The following THEMIS variants were observed in gnomAD, a reference collection of about 807,000 sequenced individuals.
THEMIS encodes thymocyte selection associated, also known as protein THEMIS.
A neutral mutation model predicts 52.6 loss-of-function variants in THEMIS; 37 were observed. The ratio of observed to expected loss-of-function variants is 0.70; its 90% CI spans 0.54 to 0.93. The LOEUF is 0.93. Ranked by LOEUF, THEMIS falls within the 40% of genes least tolerant of loss-of-function variation. The pLI, the probability that THEMIS is intolerant of heterozygous loss-of-function variation, is 0.00. For synonymous variants in THEMIS, 292 were observed against 272.7 expected (o/e 1.07, Z -0.70); for missense variants, 808 against 763.1 (o/e 1.06, Z -0.69).
At chr6:127,736,655 T>C (rs891764173) in intron 4 of THEMIS, among the ~76,000 whole-genome samples, 4 of 152,246 alleles carry the variant, frequency 2.6e-5, no homozygotes, top group South Asian at 4.1e-4. Flanking sequence ...GCAAATCAAA[T>C]TGGAGTCTAG....
chr6:127,858,880 G>T (rs925516080), intron 1 of THEMIS, among the ~76,000 whole-genome samples: 29 of 152,016 alleles, frequency 1.9e-4, no homozygotes, highest in African/African-American at 6.5e-4. Flanking sequence ...ATCAAACATT[G>T]CCCCTGAAGG....
At chr6:127,745,506 C>T (rs1196766744) in intron 4 of THEMIS, among the ~76,000 whole-genome samples, 1 of 151,788 alleles carries the variant, frequency 6.6e-6, no homozygotes, top group Non-Finnish European at 1.5e-5. Flanking sequence ...TGTACCTGTA[C>T]TACGATATCA....
intron 1 of THEMIS, among the ~76,000 whole-genome samples, chr6:127,889,010 A>G (rs1464486643): frequency 3.9e-5 from 6 of 152,118 alleles, no homozygotes; most frequent in Admixed American, 2.6e-4. Flanking sequence ...TAAGATAACA[A>G]CTTCAAAATC....
intron 3 of THEMIS, among the ~76,000 whole-genome samples, chr6:127,820,167 C>A (rs919557624): frequency 1.3e-5 from 2 of 151,440 alleles, no homozygotes; most frequent in African/African-American, 2.4e-5. Flanking sequence ...AATTGATATG[C>A]TAAGAGAAAA....
intron 2 of THEMIS, among the ~76,000 whole-genome samples, chr6:127,843,363 T>C (rs925481158): frequency 3.3e-5 from 5 of 151,956 alleles, no homozygotes; most frequent in African/African-American, 1.2e-4. Context: ...TTTCCAATAC[T>C]GTACCATTAA....
rs188246319 is a variant in THEMIS at position 127,895,200 on chromosome 6, C to T, written c.91+5642G>A. ...TCCTTAGTTGAGTAAAGGTTAAACA[C>T]CAAAATTTAGTACATAATATATTAA... On this transcript the variant is annotated intron_variant, in intron 1 of 5. Coordinates refer to ENST00000368248, the MANE Select transcript of THEMIS (RefSeq NM_001010923.3). Among the ~76,000 whole-genome samples, 18 of 151,084 alleles carry T rather than the reference C, an allele frequency of 1.2e-4. No individual in the cohort carries two copies. The East Asian group carries it at 1.4e-3, about 11-fold the overall frequency.
chr6:127,740,464 C>A (rs1775161955), intron 4 of THEMIS, among the ~76,000 whole-genome samples: 1 of 130,442 alleles, frequency 7.7e-6, no homozygotes, highest in African/African-American at 3.3e-5. Flanking sequence ...TAAAATGCAA[C>A]AAATGTGATT....
At chr6:127,909,841 T>A (rs1441630671) in intron 1 of THEMIS, 1 of 152,174 alleles carries the variant, frequency 6.6e-6, no homozygotes, top group African/African-American at 2.4e-5. Context: ...ACCTACTTTG[T>A]TCACTTGATA....
intron 1 of THEMIS, among the ~76,000 whole-genome samples, chr6:127,916,201 A>G (rs1226349358): frequency 1.3e-5 from 2 of 151,572 alleles, no homozygotes; most frequent in Non-Finnish European, 2.9e-5. Context: ...AAATATATCT[A>G]TGAAAAAAAT....
the THEMIS span, among the ~76,000 whole-genome samples, chr6:127,697,984 T>A: frequency 6.6e-6 from 1 of 152,200 alleles, no homozygotes; most frequent in Non-Finnish European, 1.5e-5. Flanking sequence ...GGTAGAATGC[T>A]ATTATCTGAC....
chr6:127,910,424 G>C (rs7755980), intron 1 of THEMIS, among the ~76,000 whole-genome samples: 3 of 152,002 alleles, frequency 2.0e-5, no homozygotes, highest in African/African-American at 7.2e-5. Context: ...ATCTCATTAC[G>C]TAAGTATTGT....
intron 4 of THEMIS, among the ~76,000 whole-genome samples, chr6:127,753,247 C>A (rs1441087881): frequency 6.6e-6 from 1 of 151,954 alleles, no homozygotes; most frequent in East Asian, 1.9e-4. Flanking sequence ...CTTCTAAGAT[C>A]AAGAACAGGG....
rs552939326 is a variant in THEMIS, at chr6:127,722,733, T to C, written c.1759-2910A>G. Among the ~76,000 whole-genome samples, 11 of 152,108 alleles carry C rather than the reference T, an allele frequency of 7.2e-5. No individual in the cohort carries two copies. In the East Asian group the frequency reaches 2.1e-3, roughly 30 times the overall value. On this transcript the variant is annotated intron_variant, in intron 4 of 5. Coordinates refer to ENST00000368248, the MANE Select transcript of THEMIS (RefSeq NM_001010923.3). ...TTACCTCCTTGCAAAACATGTCTGC[T>C]ACTTTGATATTCCTGTCGTCTAACT...
At chr6:127,902,014 T>A (rs534122237), upstream of THEMIS, among the ~76,000 whole-genome samples, 154 of 151,990 alleles carry the variant, frequency 1.0e-3, no homozygotes, top group African/African-American at 3.6e-3. Flanking sequence ...CTAAGTCTCT[T>A]TAAGGTAAAG....
intron 4 of THEMIS, among the ~76,000 whole-genome samples, chr6:127,773,780 G>A (rs1776464921): frequency 6.6e-6 from 1 of 152,072 alleles, no homozygotes; most frequent in African/African-American, 2.4e-5. Flanking sequence ...AAAATTTAAG[G>A]TTAGTTAAAA....
At chr6:127,719,199 C>A (rs1774277115) in intron 5 of THEMIS, among the ~76,000 whole-genome samples, 1 of 151,838 alleles carries the variant, frequency 6.6e-6, no homozygotes, top group Non-Finnish European at 1.5e-5. Context: ...CTATCAACTC[C>A]TCCACAAGTC....
chr6:127,847,324 G>A (rs936195998), intron 2 of THEMIS, among the ~76,000 whole-genome samples: 4 of 151,844 alleles, frequency 2.6e-5, no homozygotes, highest in Admixed American at 2.6e-4. Flanking sequence ...CATCCAAATT[G>A]GAAAAGAGGA....
chr6:127,729,377 A>G (rs552057143), intron 4 of THEMIS, among the ~76,000 whole-genome samples: 1 of 152,294 alleles, frequency 6.6e-6, no homozygotes, highest in Admixed American at 6.5e-5. Context: ...TCTATGGAAG[A>G]TATTTCAAGC....
the THEMIS span, among the ~76,000 whole-genome samples, chr6:127,703,046 T>TTTTTTTTTTG: frequency 9.0e-6 from 1 of 111,550 alleles, no homozygotes; most frequent in Non-Finnish European, 1.9e-5. Context: ...TTTTTTTTTT[T>TTTTTTTTTTG]TTTTTTTTTT....
Sources: allele counts gnomAD v4.1 joint callset (sites outside exome capture counted in the v4.1 genomes callset), GRCh38; gene constraint gnomAD v4.1.1; transcripts MANE v1.5; gene names NCBI Gene and HGNC (gene_info 2026-07-23, HGNC 2026-07-21).